The following DOCK9 variants were observed in gnomAD, a reference collection of about 807,000 sequenced individuals.
DOCK9 encodes dedicator of cytokinesis protein 9.
DOCK9 carries 89 observed loss-of-function variants against 263.3 expected under a neutral mutation model. The ratio of observed to expected loss-of-function variants is 0.34; its 90% CI spans 0.28 to 0.40. DOCK9 has a LOEUF of 0.40. DOCK9 is among the 10% of genes least tolerant of loss of function. The pLI is 1.00. For missense variants in DOCK9, 2,140 were observed against 2,603.4 expected, an observed-to-expected ratio of 0.82 and a Z score of 3.87; for synonymous variants, 976 against 973.1, an observed-to-expected ratio of 1.00 and a Z score of -0.06.
rs548258424 is a variant in DOCK9 at position 98,794,766 on chromosome 13, A to G, written c.6157-18T>C. On this transcript the variant is annotated intron_variant, in intron 52 of 52. Coordinates refer to ENST00000682017, the MANE Select transcript of DOCK9 (RefSeq NM_001366683.2). Reference sequence around the variant, plus strand: ...GGGCAGATCTTGAGGACAGAAACACAACGTTACTGAGGGCAACACAAGGTT... The same window carrying G: ...GGGCAGATCTTGAGGACAGAAACACGACGTTACTGAGGGCAACACAAGGTT... The G allele has an allele frequency of 8.6e-5, 139 of 1,613,556 alleles. No homozygotes were observed. In the South Asian group the frequency reaches 1.5e-3, roughly 17 times the overall value.
intron 1 of DOCK9, among the ~76,000 whole-genome samples, chr13:99,009,089 G>A (rs1389963373): frequency 6.6e-6 from 1 of 152,194 alleles, no homozygotes; most frequent in Non-Finnish European, 1.5e-5. Flanking sequence ...TACAATAAGT[G>A]TGCATTACTA....
intron 13 of DOCK9, 51 bp from the exon 14 acceptor site, chr13:98,898,312 C>T: frequency 6.9e-7 from 1 of 1,444,872 alleles, no homozygotes; most frequent in Non-Finnish European, 9.6e-7. Flanking sequence ...ACTGAAAGAA[C>T]TGTGACCTCA....
chr13:98,864,009 C>T (rs1168586436), intron 30 of DOCK9, among the ~76,000 whole-genome samples: 2 of 152,176 alleles, frequency 1.3e-5, no homozygotes, highest in Non-Finnish European at 2.9e-5. Context: ...AATGTTATTA[C>T]ATGAGTTCAT....
chr13:98,889,886 T>C (rs1341890492), intron 15 of DOCK9, among the ~76,000 whole-genome samples: 2 of 152,184 alleles, frequency 1.3e-5, no homozygotes, highest in Non-Finnish European at 2.9e-5. Context: ...TTCAACAATA[T>C]ACCTGTCTAT....
At chr13:99,013,199 G>T (rs1483235066) in intron 1 of DOCK9, among the ~76,000 whole-genome samples, 1 of 152,110 alleles carries the variant, frequency 6.6e-6, no homozygotes, top group East Asian at 1.9e-4. Context: ...GAACTCCTAG[G>T]CTCAAGTGAC....
chr13:98,813,305 C>A (rs9513491), intron 45 of DOCK9, among the ~76,000 whole-genome samples: 56,338 of 152,032 alleles, frequency 0.37, 10,816 homozygotes, highest in African/African-American at 0.41. Flanking sequence ...ATTTTAGGGG[C>A]AAAGCATTCA....
intron 1 of DOCK9, among the ~76,000 whole-genome samples, chr13:98,965,820 A>T (rs966769671): frequency 6.6e-6 from 1 of 152,242 alleles, no homozygotes; most frequent in Non-Finnish European, 1.5e-5. Context: ...TATATTTTTC[A>T]TGCTCCAGTG....
chr13:98,990,456 G>C (rs762692635), intron 1 of DOCK9, among the ~76,000 whole-genome samples: 18 of 152,180 alleles, frequency 1.2e-4, no homozygotes, highest in Non-Finnish European at 2.5e-4. Context: ...TTTTACAATT[G>C]AGAGTATGTT....
intron 2 of DOCK9, chr13:98,949,831 G>C: frequency 2.1e-6 from 1 of 474,072 alleles, no homozygotes. Context: ...AGGTGGAAAG[G>C]GTGCAAGACC....
In DOCK9 at chr13:98,825,765, A is replaced by G; in HGVS notation, c.5023+1065T>C. On this transcript the variant is annotated intron_variant, in intron 44 of 52. Transcript: ENST00000682017. This position sits in a 1 kb window ranked among gnomAD's most constrained non-coding sequence, Gnocchi z 4.1. Reference sequence around the variant, plus strand: ...GAGAGCCACAGAGTAGGAGGGAAGGAGAGTGAAGTCTGTCCATGCAAAGTT... The same window carrying G: ...GAGAGCCACAGAGTAGGAGGGAAGGGGAGTGAAGTCTGTCCATGCAAAGTT... 1.5e-6 allele frequency: 1 copy of G among 682,266 alleles called. No individual in the cohort carries two copies. The highest frequency in any genetic ancestry group is 3.3e-5 in the South Asian group (1 of 30,758). 42.3% of individuals were successfully genotyped at this position (682,266 alleles called of 1,614,324 possible). A position where few individuals can be genotyped will look rare whatever the true frequency, so the allele number is the denominator to read the frequency against.
At chr13:98,850,346 G>A (rs1231720081) in intron 35 of DOCK9, among the ~76,000 whole-genome samples, 11 of 152,064 alleles carry the variant, frequency 7.2e-5, no homozygotes, top group Middle Eastern at 3.2e-3. Flanking sequence ...TCCATCATAC[G>A]TCATTTAGTG....
At chr13:98,832,522 A>G (rs1253478388) in intron 39 of DOCK9, among the ~76,000 whole-genome samples, 1 of 152,232 alleles carries the variant, frequency 6.6e-6, no homozygotes, top group Non-Finnish European at 1.5e-5. Flanking sequence ...CAAGAAGACT[A>G]CAATTTGCTT....
intron 15 of DOCK9, among the ~76,000 whole-genome samples, chr13:98,894,783 G>A (rs2139196119): frequency 6.6e-6 from 1 of 151,502 alleles, no homozygotes; most frequent in East Asian, 1.9e-4. Flanking sequence ...GTGGCTTATA[G>A]GTATAATTCT....
intron 33 of DOCK9, chr13:98,858,763 T>C (rs1488489230): frequency 2.6e-5 from 4 of 152,196 alleles, no homozygotes; most frequent in South Asian, 4.1e-4. Context: ...ACAGCTGCAA[T>C]GTCAGTGCGG....
At chr13:98,859,747 G>GTATATATATATA (rs1430331905) in intron 33 of DOCK9, 2 of 96,082 alleles carry the variant, frequency 2.1e-5, no homozygotes, top group African/African-American at 3.6e-5. Context: ...GTGTGTGTGT[G>GTATATATATATA]TGTGTGTATA....
intron 45 of DOCK9, among the ~76,000 whole-genome samples, chr13:98,815,833 G>A (rs1479441045): frequency 1.3e-5 from 2 of 152,070 alleles, no homozygotes; most frequent in Non-Finnish European, 2.9e-5. Context: ...AGTAAGCCAT[G>A]GTCCACACAG....
At position 98,797,236 on chromosome 13, in the gene DOCK9, C is replaced by T; in HGVS notation, c.6035G>A (p.Cys2012Tyr). Residue 2012 changes from cysteine to tyrosine, a missense_variant, in exon 52 of 53, where the codon TGC becomes TAC. Physicochemically the swap from Cys to Tyr is radical, Grantham distance 194 (BLOSUM62 -2). Around this residue, in one of 2 missense-constraint regions of DOCK9, gnomAD observed 619 missense variants for 861.8 expected, o/e 0.72. Coordinates refer to ENST00000682017, the MANE Select transcript of DOCK9 (RefSeq NM_001366683.2). ...TTCGTTTACCGCTAAGGCTTGACCGCAAGCTTCCACAAATTGCCTGGAATG... is the reference window on the plus strand; with the variant it reads ...TTCGTTTACCGCTAAGGCTTGACCGTAAGCTTCCACAAATTGCCTGGAATG... ...KEVFRQFVEA[C>Y]GQALAVNERL... The T allele has an allele frequency of 6.2e-7, 1 of 1,613,950 alleles. No individual in the cohort carries two copies.
At position 98,897,589 on chromosome 13, in the gene DOCK9, A is replaced by G. The variant is rs1361053458; in HGVS notation, c.1608T>C (p.Ser536=). The part of the protein sequence containing the change: ...WAARTLFKDA[S]GNLDKNARFS... ...ATCTGGCATTTTTGTCAAGATTTCC[A>G]GATGCATCCTTAAACAATGTCCTGA... Residue 536 remains serine (S), a synonymous_variant, in exon 15 of 53, where the codon TCT becomes TCC. Transcript: ENST00000682017. 1 of 1,613,942 alleles carries G rather than the reference A, an allele frequency of 6.2e-7. No individual in the cohort carries two copies. Among genetic ancestry groups the G allele is most frequent in the Non-Finnish European group, 8.5e-7 (1 of 1,179,834 alleles).
chr13:98,881,404 C>T (rs1363167151), intron 25 of DOCK9, among the ~76,000 whole-genome samples, 154 bp downstream of exon 25: 1 of 152,186 alleles, frequency 6.6e-6, no homozygotes, highest in Non-Finnish European at 1.5e-5. Flanking sequence ...CGTACCTCCC[C>T]TATTCAGGTA....
Sources: gnomAD v4.1 joint callset for allele counts (sites outside exome capture counted in the v4.1 genomes callset) on GRCh38, gnomAD v4.1.1 for gene constraint, gnomAD v4.1.1 regional missense constraint, Gnocchi (gnomAD v3.1) non-coding constraint, MANE v1.5 for transcripts, NCBI Gene and HGNC (gene_info 2026-07-23, HGNC 2026-07-21) for gene names.